The following ENKUR variants were observed in gnomAD, a reference collection of about 807,000 sequenced individuals.
ENKUR encodes the protein enkurin, TRPC channel interacting protein.
A neutral mutation model predicts 27.6 loss-of-function variants in ENKUR; 19 were observed. That is an observed-to-expected ratio of 0.69 (90% confidence interval 0.48 to 1.01). The LOEUF is 1.01. Ranked by LOEUF, ENKUR falls within the 50% of genes least tolerant of loss-of-function variation. The pLI is 0.00. For missense variants in ENKUR, 312 were observed against 310.5 expected, an observed-to-expected ratio of 1.00 and a Z score of -0.04; for synonymous variants, 117 against 96.9, an observed-to-expected ratio of 1.21 and a Z score of -1.22.
Position 25,015,899 on chromosome 10 carries a change from A to C in ENKUR, c.38T>G (p.Leu13Arg), listed in dbSNP as rs756176637. The change falls in exon 1 of 6, where the codon CTC becomes CGC. Residue 13 changes from leucine (L) to arginine (R), a missense_variant. Transcript: ENST00000331161. ...AGGCTCCTTCAAGTCACTGGGTATG[A>C]GGTTATAAATGCACTCAGAAGAGCA... ...PTCSSECIYN[L>R]IPSDLKEPPQ... 1 of 1,607,862 alleles carries C rather than the reference A, an allele frequency of 6.2e-7. No individual in the cohort carries two copies. Among genetic ancestry groups the C allele is most frequent in the Non-Finnish European group, 8.5e-7 (1 of 1,176,932 alleles).
chr10:24,984,613 T>C (rs1031419863), intron 5 of ENKUR, 123 bp downstream of exon 5: 3 of 1,077,256 alleles, frequency 2.8e-6, no homozygotes, highest in African/African-American at 1.6e-5. Context: ...CTAAGCATTC[T>C]GATTAAGACT....
At chr10:25,004,622 T>C (rs1588659490) in intron 1 of ENKUR, among the ~76,000 whole-genome samples, 1 of 152,336 alleles carries the variant, frequency 6.6e-6, no homozygotes, top group Non-Finnish European at 1.5e-5. Flanking sequence ...TTTGTTTTGT[T>C]CTTGTAAATT....
At chr10:25,034,471 T>G (rs193290684) in intron 2 of ENKUR, among the ~76,000 whole-genome samples, 1 of 152,294 alleles carries the variant, frequency 6.6e-6, no homozygotes, top group African/African-American at 2.4e-5. Flanking sequence ...GTTTCCCAAT[T>G]TGACAAAATT....
chr10:24,987,816 A>C (rs1849812152), intron 4 of ENKUR, among the ~76,000 whole-genome samples: 1 of 152,162 alleles, frequency 6.6e-6, no homozygotes, highest in Non-Finnish European at 1.5e-5. Context: ...ATCAAACTCT[A>C]AGTTCACTGA....
chr10:25,033,401 C>CAAAAAAAAAAAAAAAAAAAAAAAAAAAA (rs34472195), intron 2 of ENKUR, among the ~76,000 whole-genome samples: 1 of 59,994 alleles, frequency 1.7e-5, no homozygotes, highest in African/African-American at 7.3e-5. Context: ...AAGACCTCGT[C>CAAAAAAAAAAAAAAAAAAAAAAAAAAAA]AAAAAAAAAA....
intron 3 of ENKUR, among the ~76,000 whole-genome samples, chr10:24,992,172 A>G (rs1057048621): frequency 6.6e-6 from 1 of 152,268 alleles, no homozygotes; most frequent in African/African-American, 2.4e-5. Flanking sequence ...ACTTGGTGCT[A>G]GGAATACTAG....
intron 3 of ENKUR, among the ~76,000 whole-genome samples, chr10:24,994,266 T>A (rs901710101): frequency 1.3e-5 from 2 of 151,696 alleles, no homozygotes; most frequent in Admixed American, 1.3e-4. Flanking sequence ...TTTCCTTCCT[T>A]CCTTTCCTTT....
upstream of ENKUR, among the ~76,000 whole-genome samples, chr10:25,019,364 C>T (rs1850673314): frequency 6.6e-6 from 1 of 152,138 alleles, no homozygotes; most frequent in Non-Finnish European, 1.5e-5. Context: ...GTCCCAGCTA[C>T]TTGGGAGGCT....
intron 2 of ENKUR, among the ~76,000 whole-genome samples, chr10:25,032,581 C>A (rs934697975): frequency 2.0e-5 from 3 of 152,112 alleles, no homozygotes; most frequent in African/African-American, 7.2e-5. Flanking sequence ...TCCTTTCCCC[C>A]AAACCCACCT....
At chr10:25,027,371 A>AAC (rs938725282) in intron 2 of ENKUR, among the ~76,000 whole-genome samples, 2 of 144,260 alleles carry the variant, frequency 1.4e-5, no homozygotes, top group Non-Finnish European at 3.0e-5. Context: ...AAAAAAAAAA[A>AAC]AAAAAAAAAA....
chr10:25,015,750 G>A, intron 1 of ENKUR, 110 bp downstream of exon 1: 4 of 1,032,622 alleles, frequency 3.9e-6, no homozygotes, highest in East Asian at 3.1e-5. Flanking sequence ...ACTTCATCGA[G>A]GCAAAAATAC....
intron 4 of ENKUR, among the ~76,000 whole-genome samples, chr10:24,986,203 C>T (rs1003585517): frequency 6.6e-6 from 1 of 152,178 alleles, no homozygotes; most frequent in Non-Finnish European, 1.5e-5. Context: ...TCATAGTAAG[C>T]TCTTGTACAA....
intron 2 of ENKUR, among the ~76,000 whole-genome samples, chr10:25,022,177 C>T (rs1309372682): frequency 6.6e-6 from 1 of 152,128 alleles, no homozygotes; most frequent in Non-Finnish European, 1.5e-5. Flanking sequence ...AAAAACTTGA[C>T]TTGTCTGGCA....
chr10:25,044,763 G>A (rs151230546), intron 2 of ENKUR, among the ~76,000 whole-genome samples: 71 of 152,278 alleles, frequency 4.7e-4, no homozygotes, highest in African/African-American at 1.1e-3. Context: ...TGCTCAGTTC[G>A]TTCTTTCCAG....
At chr10:25,035,223 C>T (rs1850993811) in intron 2 of ENKUR, among the ~76,000 whole-genome samples, 1 of 152,148 alleles carries the variant, frequency 6.6e-6, no homozygotes, top group South Asian at 2.1e-4. Context: ...TCCTCACCTG[C>T]TAATCATGCT....
chr10:25,000,770 A>T (rs534085969), intron 1 of ENKUR, among the ~76,000 whole-genome samples: 1 of 151,978 alleles, frequency 6.6e-6, no homozygotes, highest in Non-Finnish European at 1.5e-5. Flanking sequence ...TTTCACTTTT[A>T]ATGTGATTAT....
At chr10:25,016,221 T>A (rs1850568846), upstream of ENKUR, 1 of 1,104,722 alleles carries the variant, frequency 9.1e-7, no homozygotes, top group South Asian at 4.3e-5. Context: ...GCAAACTAGG[T>A]CTCCCCTCTT....
rs752826796 is a variant in ENKUR, at chr10:24,990,580, A to T, written c.477T>A (p.Cys159Ter). Residue 159 changes from cysteine (C) to a stop codon, truncating the protein, a stop_gained, in exon 4 of 6, where the codon TGT becomes TGA. Transcript: ENST00000331161. LOFTEE classifies it high-confidence loss of function. ...CTTTCTTTATTTCCTCGTTTCGCTT[A>T]CATATGTATTCAGGTGTGACACCAT... ...KDYGVTPEYI[C>*]KRNEEIKKAQ... 2 of 1,612,490 alleles carry T rather than the reference A, an allele frequency of 1.2e-6. No individual in the cohort carries two copies. The highest frequency in any genetic ancestry group is 1.7e-6 in the Non-Finnish European group (2 of 1,179,690).
At chr10:25,015,499 A>G (rs1850546764) in intron 1 of ENKUR, among the ~76,000 whole-genome samples, 1 of 152,218 alleles carries the variant, frequency 6.6e-6, no homozygotes, top group African/African-American at 2.4e-5. Context: ...CCAAACATCA[A>G]GTATCCTTAA....
Sources: allele counts gnomAD v4.1 joint callset (sites outside exome capture counted in the v4.1 genomes callset), GRCh38; gene constraint gnomAD v4.1.1; transcripts MANE v1.5; gene names NCBI Gene and HGNC (gene_info 2026-07-23, HGNC 2026-07-21).